Variants in CPAMD8 observed in about 807,000 individuals in gnomAD.
CPAMD8 encodes C3 and PZP-like alpha-2-macroglobulin domain-containing protein 8.
Under a neutral mutation model 224.7 loss-of-function variants are expected in CPAMD8, and 146 were observed. That is an observed-to-expected ratio of 0.65 (90% confidence interval 0.57 to 0.75). The LOEUF (loss-of-function observed/expected upper bound fraction) is 0.75, where lower values mean the gene tolerates loss of function less well. CPAMD8 is among the 30% of genes least tolerant of loss of function. The pLI, the probability that CPAMD8 is intolerant of heterozygous loss-of-function variation, is 0.00. For synonymous variants in CPAMD8, 966 were observed against 1,044.6 expected, an observed-to-expected ratio of 0.92 and a Z score of 1.45; for missense variants, 2,301 against 2,537.5, an observed-to-expected ratio of 0.91 and a Z score of 2.00.
At chr19:16,998,040 A>C (rs1367906555) in intron 10 of CPAMD8, among the ~76,000 whole-genome samples, 1 of 152,218 alleles carries the variant, frequency 6.6e-6, no homozygotes, top group African/African-American at 2.4e-5. Context: ...AAATGAGAGA[A>C]CTAAGTCAAA....
chr19:16,893,691 G>A, intron 41 of CPAMD8: 1 of 233,276 alleles, frequency 4.3e-6, no homozygotes, highest in South Asian at 1.4e-4. Flanking sequence ...GGCCCTGGGA[G>A]TGGGCTGGTC....
rs780842036 is a variant in CPAMD8 at position 17,016,888 on chromosome 19, CT to C, written c.267+3442del. Among the ~76,000 whole-genome samples, 732 of 143,074 alleles carry C rather than the reference CT, an allele frequency of 5.1e-3. 9 individuals are homozygous for C. Among genetic ancestry groups the C allele is most frequent in the East Asian group, 0.043 (210 of 4,922 alleles). 93.9% of individuals were successfully genotyped at this position (143,074 alleles called of 152,430 possible). On this transcript the variant is annotated intron_variant, in intron 3 of 41. Transcript: ENST00000443236. ...AAGCCAGGAAAGGGAGTTCTAGGGTCTTTTTTTTTTTTTCTTTTTTCCTTAT... is the reference window on the plus strand; with the variant it reads ...AAGCCAGGAAAGGGAGTTCTAGGGTCTTTTTTTTTTTTCTTTTTTCCTTAT...
At chr19:16,914,627 C>G in intron 28 of CPAMD8, 30 bp downstream of exon 28, 1 of 1,613,580 alleles carries the variant, frequency 6.2e-7, no homozygotes, top group Admixed American at 1.7e-5. Flanking sequence ...AGGTGAGGGG[C>G]CCGGGAAGGA....
intron 3 of CPAMD8, among the ~76,000 whole-genome samples, chr19:17,012,326 TTTTCTTTCTTTC>T: frequency 6.9e-6 from 1 of 145,672 alleles, no homozygotes; most frequent in East Asian, 2.0e-4. Context: ...GCCATATCTT[TTTTCTTTCTTTC>T]TTTCTTTCTT....
chr19:17,005,620 G>C (rs912200271), intron 7 of CPAMD8, among the ~76,000 whole-genome samples: 1 of 152,088 alleles, frequency 6.6e-6, no homozygotes, highest in African/African-American at 2.4e-5. Flanking sequence ...TTCCACTCCT[G>C]AGTGTGACAC....
At chr19:16,964,774 G>A (rs1447613742) in intron 18 of CPAMD8, among the ~76,000 whole-genome samples, 2 of 152,094 alleles carry the variant, frequency 1.3e-5, no homozygotes, top group African/African-American at 2.4e-5. Flanking sequence ...GATGAACATC[G>A]ATGCAAAAAT....
chr19:17,021,380 C>G (rs57876575), intron 2 of CPAMD8, among the ~76,000 whole-genome samples: 1,814 of 152,258 alleles, frequency 0.012, 35 homozygotes, highest in African/African-American at 0.041. Context: ...ACATTTCCAC[C>G]TTCTCTGGCC....
At chr19:16,922,096 C>T (rs909180213) in intron 26 of CPAMD8, 110 bp from the exon 27 acceptor site, 19 of 683,064 alleles carry the variant, frequency 2.8e-5, no homozygotes, top group Non-Finnish European at 4.2e-5. Flanking sequence ...CGAAGCCACA[C>T]CACATGTGGG....
chr19:16,920,459 G>C (rs2053128643), intron 27 of CPAMD8, among the ~76,000 whole-genome samples: 1 of 150,414 alleles, frequency 6.6e-6, no homozygotes, highest in African/African-American at 2.5e-5. Flanking sequence ...CAGCCTGGGT[G>C]ACAGAGCGAG....
chr19:17,002,734 G>C (rs556664643), intron 8 of CPAMD8, among the ~76,000 whole-genome samples: 1 of 151,962 alleles, frequency 6.6e-6, no homozygotes, highest in Admixed American at 6.6e-5. Context: ...CTGCAACAGA[G>C]AGCTGATTTC....
At chr19:16,900,631 G>A (rs921957625) in intron 36 of CPAMD8, among the ~76,000 whole-genome samples, 1 of 151,830 alleles carries the variant, frequency 6.6e-6, no homozygotes, top group African/African-American at 2.4e-5. Flanking sequence ...GACAGTGGCC[G>A]CATGGGAGAT....
In CPAMD8 at chr19:16,928,183, G is replaced by T. The variant is rs958682811; in HGVS notation, c.3196C>A (p.Leu1066Ile). 3.1e-6 allele frequency: 5 copies of T among 1,614,012 alleles called. No individual in the cohort carries two copies. Among genetic ancestry groups the T allele is most frequent in the Non-Finnish European group, 4.2e-6 (5 of 1,180,052 alleles). Residue 1066 changes from leucine to isoleucine, a missense_variant, in exon 25 of 42, where the codon CTC becomes ATC. Around this residue, in one of 4 missense-constraint regions of CPAMD8, gnomAD observed 1,709 missense variants for 1,753.2 expected, o/e 0.97. Transcript: ENST00000443236. Reference protein sequence around the residue: ...SNESVIVAWTLPRPPEVQFIG... With the variant: ...SNESVIVAWTIPRPPEVQFIG... ...AACTGGACCTCTGGTGGCCTCGGGA[G>T]GGTCCAGGCCACAATGACAGACTCA...
At chr19:16,997,025 G>A (rs1205521538) in intron 11 of CPAMD8, 86 bp downstream of exon 11, 4 of 835,278 alleles carry the variant, frequency 4.8e-6, no homozygotes, top group Non-Finnish European at 8.2e-6. Context: ...GTTTTCAGCT[G>A]AGTCACCACT....
rs2052096436 is a variant in CPAMD8, at chr19:16,897,984, C to T, written c.4859G>A (p.Arg1620Gln). 6.2e-7 allele frequency: 1 copy of T among 1,610,046 alleles called. No homozygotes were observed. The highest frequency in any genetic ancestry group is 2.2e-5 in the East Asian group (1 of 44,756). Residue 1620 changes from arginine (R) to glutamine (Q), a missense_variant, in exon 38 of 42, where the codon CGG becomes CAG. Around this residue, in one of 4 missense-constraint regions of CPAMD8, gnomAD observed 1,709 missense variants for 1,753.2 expected, o/e 0.97. Transcript: ENST00000443236. Reference sequence around the variant, plus strand: ...ACGGAACCGCACGCACGTCAGGCACCGGCTGGGGATCTGTGGGGCAGCGGC... The same window carrying T: ...ACGGAACCGCACGCACGTCAGGCACTGGCTGGGGATCTGTGGGGCAGCGGC... The part of the protein sequence containing the change: ...VLFYFDEIPS[R>Q]CLTCVRFRAL...
rs998847409 is a variant in CPAMD8 at position 16,980,510 on chromosome 19, G to A, written c.1572C>T (p.His524=). The change falls in exon 14 of 42, where the codon CAC becomes CAT. Residue 524 remains histidine (H), a synonymous_variant. Transcript: ENST00000443236. The stretch of plus-strand genomic sequence containing the variant: ...TGCCCGGCTCACCTGTCTCAGAAAG[G>A]TGTGTTAAACGAATCGGTTTCTCCA... The part of the protein sequence containing the change: ...PALEKPIRLT[H]LSETEPPPAP... The A allele has an allele frequency of 1.2e-6, 2 of 1,613,370 alleles. No individual in the cohort carries two copies. The highest frequency in any genetic ancestry group is 2.7e-5 in the African/African-American group (2 of 74,906).
At position 16,897,943 on chromosome 19, in the gene CPAMD8, C is replaced by T; in HGVS notation, c.4900G>A (p.Val1634Met). Residue 1634 changes from valine to methionine, a missense_variant, in exon 38 of 42, where the codon GTG becomes ATG. Coordinates refer to ENST00000443236, the MANE Select transcript of CPAMD8 (RefSeq NM_015692.5). ...GGCAGCGCCGACGTCCTGCCCACCA[C>T]GCACTCCCGGAGAGCACGGAACCGC... Reference protein sequence around the residue: ...CVRFRALRECVVGRTSALPVS... With the variant: ...CVRFRALRECMVGRTSALPVS... 2 of 1,611,356 alleles carry T rather than the reference C, an allele frequency of 1.2e-6. No individual in the cohort carries two copies. Among genetic ancestry groups the T allele is most frequent in the Non-Finnish European group, 1.7e-6 (2 of 1,179,432 alleles).
chr19:17,010,630 AGGCACAGTATCT>A (rs2056619614), intron 5 of CPAMD8, among the ~76,000 whole-genome samples: 1 of 152,132 alleles, frequency 6.6e-6, no homozygotes, highest in Admixed American at 6.6e-5. Context: ...AGGGCCAGAG[AGGCACAGTATCT>A]GTAAGTTATT....
chr19:16,901,312 G>GGAGAGA lies in CPAMD8; in HGVS notation c.4686-21_4686-16dup. On this transcript the variant is annotated splice_polypyrimidine_tract_variant and intron_variant, in intron 35 of 41. Transcript: ENST00000443236. ...CATGCAGCCACCTTCCAACAACAGG[G>GGAGAGA]GAGAGAGAGAGGCCCTAGAGCTCAA... 6.4e-7 allele frequency: 1 copy of GGAGAGA among 1,568,524 alleles called. No individual in the cohort carries two copies. Among genetic ancestry groups the GGAGAGA allele is most frequent in the Non-Finnish European group, 8.8e-7 (1 of 1,141,052 alleles).
intron 34 of CPAMD8, 70 bp from the exon 35 acceptor site, chr19:16,902,933 G>A (rs1033419618): frequency 2.2e-6 from 2 of 918,392 alleles, no homozygotes; most frequent in Non-Finnish European, 3.3e-6. Context: ...TAGGGGAGGA[G>A]AAGGGCAGTG....
Sources: gnomAD v4.1 joint callset for allele counts (sites outside exome capture counted in the v4.1 genomes callset) on GRCh38, gnomAD v4.1.1 for gene constraint, gnomAD v4.1.1 regional missense constraint, MANE v1.5 for transcripts, NCBI Gene and HGNC (gene_info 2026-07-23, HGNC 2026-07-21) for gene names.